The following PPP2R2B variants were observed in gnomAD, a reference collection of about 807,000 sequenced individuals.
The protein encoded by PPP2R2B is protein phosphatase 2 regulatory subunit Bbeta, also known as serine/threonine-protein phosphatase 2A 55 kDa regulatory subunit B beta isoform.
A neutral mutation model predicts 46.0 loss-of-function variants in PPP2R2B; 5 were observed. The ratio of observed to expected loss-of-function variants is 0.11; its 90% CI spans 0.06 to 0.23. The LOEUF is 0.23. PPP2R2B is among the 10% of genes least tolerant of loss of function. The pLI is 1.00. For synonymous variants in PPP2R2B, 215 were observed against 206.7 expected (o/e 1.04, Z -0.34); for missense variants, 367 against 575.0 (o/e 0.64, Z 3.70).
chr5:146,662,983 A>G (rs1257386385), intron 5 of PPP2R2B, among the ~76,000 whole-genome samples: 1 of 152,170 alleles, frequency 6.6e-6, no homozygotes, highest in Admixed American at 6.5e-5. Flanking sequence ...TAAAATCTTT[A>G]ATCTTATAAA....
chr5:147,050,671 A>AACACACAC (rs10631399), intron 1 of PPP2R2B, among the ~76,000 whole-genome samples: 1 of 149,984 alleles, frequency 6.7e-6, no homozygotes, highest in Non-Finnish European at 1.5e-5. Context: ...GTTAGGGATA[A>AACACACAC]ACACACACAC....
intron 2 of PPP2R2B, among the ~76,000 whole-genome samples, chr5:146,768,060 G>T (rs976829799): frequency 2.6e-5 from 4 of 151,838 alleles, no homozygotes; most frequent in Middle Eastern, 3.2e-3. Context: ...GAAAACTCTA[G>T]CAGTTAACAA....
At chr5:146,606,634 G>A (rs1262444530) in intron 7 of PPP2R2B, among the ~76,000 whole-genome samples, 1 of 152,218 alleles carries the variant, frequency 6.6e-6, no homozygotes, top group Admixed American at 6.5e-5. Flanking sequence ...AGGCAAGCTT[G>A]GTGTGCAATG....
chr5:147,022,200 C>T lies in PPP2R2B; in HGVS notation c.79+33465G>A, dbSNP rs1209921663. Among the ~76,000 whole-genome samples the T allele has an allele frequency of 2.0e-5, 3 of 152,030 alleles. No individual in the cohort carries two copies. The East Asian group carries it at 5.8e-4, about 29-fold the overall frequency. On this transcript the variant is annotated intron_variant, in intron 1 of 8. Transcript: ENST00000336640. ...GGAAACTATCAAGTCATTGAACATA[C>T]TGCAATTGGAGTTCTAGAAAGAGAG...
chr5:146,876,023 C>T (rs1394954593), intron 2 of PPP2R2B, among the ~76,000 whole-genome samples: 1 of 152,148 alleles, frequency 6.6e-6, no homozygotes, highest in African/African-American at 2.4e-5. Flanking sequence ...TTCATACCTT[C>T]TCTAAGATCA....
At chr5:146,946,947 CT>C (rs1158057876) in intron 1 of PPP2R2B, among the ~76,000 whole-genome samples, 1 of 151,944 alleles carries the variant, frequency 6.6e-6, no homozygotes, top group African/African-American at 2.4e-5. Flanking sequence ...GAGGGTGTTT[CT>C]CAAGAAAGCC....
At chr5:146,753,823 T>A (rs1753692381) in intron 2 of PPP2R2B, among the ~76,000 whole-genome samples, 1 of 152,038 alleles carries the variant, frequency 6.6e-6, no homozygotes, top group South Asian at 2.1e-4. Flanking sequence ...GCTACCATAA[T>A]AGAGGAAGTG....
intron 2 of PPP2R2B, among the ~76,000 whole-genome samples, chr5:146,803,886 G>C (rs1337755256): frequency 1.3e-5 from 2 of 152,210 alleles, no homozygotes; most frequent in Admixed American, 6.5e-5. Flanking sequence ...TAGTTAAGCT[G>C]GTTGGGCACG....
intron 2 of PPP2R2B, among the ~76,000 whole-genome samples, chr5:146,790,611 C>A (rs1467507169): frequency 6.6e-6 from 1 of 152,056 alleles, no homozygotes; most frequent in East Asian, 1.9e-4. Context: ...AGAAAGATAC[C>A]CCAATGTCTG....
chr5:146,702,217 T>C (rs1312442637), intron 2 of PPP2R2B, among the ~76,000 whole-genome samples: 3 of 152,188 alleles, frequency 2.0e-5, no homozygotes, highest in Non-Finnish European at 4.4e-5. Flanking sequence ...CTTACTTTTA[T>C]ATCATTATTT....
At chr5:146,691,635 C>G (rs924326718) in intron 4 of PPP2R2B, among the ~76,000 whole-genome samples, 1 of 152,084 alleles carries the variant, frequency 6.6e-6, no homozygotes, top group Non-Finnish European at 1.5e-5. Flanking sequence ...GTGCTATTAT[C>G]TCTATTTTAG....
intron 2 of PPP2R2B, among the ~76,000 whole-genome samples, chr5:146,869,534 A>G (rs1398669616): frequency 6.6e-6 from 1 of 152,174 alleles, no homozygotes; most frequent in Non-Finnish European, 1.5e-5. Context: ...AAGTGCAAAT[A>G]AAACGGGCAG....
intron 1 of PPP2R2B, among the ~76,000 whole-genome samples, chr5:147,004,157 C>G (rs1027784538): frequency 6.6e-6 from 1 of 152,150 alleles, no homozygotes; most frequent in Non-Finnish European, 1.5e-5. Flanking sequence ...GGCCAATCAC[C>G]CAGTGGGGCT....
chr5:146,836,793 G>A (rs952314547), intron 2 of PPP2R2B, among the ~76,000 whole-genome samples: 3 of 152,168 alleles, frequency 2.0e-5, no homozygotes, highest in Non-Finnish European at 4.4e-5. Context: ...CTTTTTTAAT[G>A]TAATGGGCAT....
chr5:146,687,974 C>T (rs187948704), intron 5 of PPP2R2B, among the ~76,000 whole-genome samples: 7 of 152,208 alleles, frequency 4.6e-5, no homozygotes, highest in African/African-American at 7.2e-5. Flanking sequence ...AAGAGGAGAG[C>T]GTGTTAGTAA....
intron 2 of PPP2R2B, among the ~76,000 whole-genome samples, chr5:146,778,832 C>G (rs1267591257): frequency 6.6e-6 from 1 of 152,216 alleles, no homozygotes; most frequent in Non-Finnish European, 1.5e-5. Context: ...TTTATATTCT[C>G]TACCTGCTGT....
intron 5 of PPP2R2B, among the ~76,000 whole-genome samples, chr5:146,689,717 G>A (rs1173716854): frequency 3.3e-5 from 5 of 152,252 alleles, no homozygotes; most frequent in Middle Eastern, 3.4e-3. Flanking sequence ...TCTTCACTAC[G>A]CTACTTTCCA....
intron 2 of PPP2R2B, among the ~76,000 whole-genome samples, chr5:146,720,826 A>G (rs1169992245): frequency 1.3e-5 from 2 of 152,178 alleles, no homozygotes; most frequent in East Asian, 1.9e-4. Flanking sequence ...TGGAGTAAAG[A>G]AGACTTCACT....
In PPP2R2B at chr5:146,894,737, G is replaced by A. The variant is rs557787389; in HGVS notation, c.79+160928C>T. ...TTACAGGCATGAGCCACCACACCTAGCCTGCCTCTGGACCTTTGTACACAC... is the reference window on the plus strand; with the variant it reads ...TTACAGGCATGAGCCACCACACCTAACCTGCCTCTGGACCTTTGTACACAC... On this transcript the variant is annotated intron_variant, in intron 1 of 8. Transcript: ENST00000336640. Among the ~76,000 whole-genome samples the A allele has an allele frequency of 2.0e-5, 3 of 152,246 alleles. No homozygotes were observed. In the South Asian group the frequency reaches 6.2e-4, roughly 32 times the overall value.
Sources: gnomAD v4.1 joint callset for allele counts (sites outside exome capture counted in the v4.1 genomes callset) on GRCh38, gnomAD v4.1.1 for gene constraint, MANE v1.5 for transcripts, NCBI Gene and HGNC (gene_info 2026-07-23, HGNC 2026-07-21) for gene names.